The following PGAP2 variants were observed in gnomAD, a reference collection of about 807,000 sequenced individuals.
The protein encoded by PGAP2 is acyltransferase PGAP2.
In PGAP2, 21 loss-of-function variants were observed where a neutral mutation model predicts 33.2. The observed-to-expected ratio is 0.63, with a 90% confidence interval of 0.45 to 0.91. PGAP2 has a LOEUF of 0.91. Ranked by LOEUF, PGAP2 falls within the 40% of genes least tolerant of loss-of-function variation. The pLI is 0.00. For synonymous variants in PGAP2, 161 were observed against 172.9 expected, an observed-to-expected ratio of 0.93 and a Z score of 0.54; for missense variants, 345 against 424.0, an observed-to-expected ratio of 0.81 and a Z score of 1.64.
rs576130388 is a variant in PGAP2, at chr11:3,825,940, G to A, written c.*482G>A. 6.2e-6 allele frequency: 1 copy of A among 161,104 alleles called. No homozygotes were observed. The highest frequency in any genetic ancestry group is 1.8e-4 in the East Asian group (1 of 5,490). The allele number at this position is 161,104 out of a possible 1,614,324, so 10.0% of individuals were successfully genotyped here. ...AGTCCCCTGCTAAAGTTGCTCAGGTGTTCTAGTCCTGACTTCACCTTTTTG... is the reference window on the plus strand; with the variant it reads ...AGTCCCCTGCTAAAGTTGCTCAGGTATTCTAGTCCTGACTTCACCTTTTTG... On this transcript the variant is annotated 3_prime_UTR_variant, in exon 7 of 7. Coordinates refer to ENST00000278243, the MANE Select transcript of PGAP2 (RefSeq NM_014489.4).
chr11:3,812,039 G>A (rs551324678), intron 2 of PGAP2, among the ~76,000 whole-genome samples: 1 of 152,170 alleles, frequency 6.6e-6, no homozygotes, highest in Admixed American at 6.5e-5. Flanking sequence ...ATGTACGTGT[G>A]TATGTGTCCT....
intron 2 of PGAP2, among the ~76,000 whole-genome samples, chr11:3,813,415 G>A (rs542271270): frequency 3.0e-4 from 45 of 151,286 alleles, no homozygotes; most frequent in African/African-American, 1.1e-3. Context: ...ATGGGGTCTC[G>A]CCATGTTGCC....
At chr11:3,812,241 G>C (rs180799432) in intron 2 of PGAP2, among the ~76,000 whole-genome samples, 1 of 152,248 alleles carries the variant, frequency 6.6e-6, no homozygotes, top group Non-Finnish European at 1.5e-5. Flanking sequence ...CTGAGACAGA[G>C]ACCCAGCCTC....
At chr11:3,820,456 G>T (rs756729109) in intron 3 of PGAP2, among the ~76,000 whole-genome samples, 1 of 152,122 alleles carries the variant, frequency 6.6e-6, no homozygotes, top group Non-Finnish European at 1.5e-5. Flanking sequence ...ATCACTTAAG[G>T]TCAGGAGTTC....
intron 3 of PGAP2, chr11:3,823,092 A>G (rs1473684383): frequency 3.6e-6 from 2 of 559,850 alleles, no homozygotes; most frequent in Admixed American, 4.3e-5. Flanking sequence ...GCTGGAGTGC[A>G]GTGGCACAAT....
Position 3,823,903 on chromosome 11 carries a change from G to A in PGAP2, c.369G>A (p.Ser123=), listed in dbSNP as rs754872436. The part of the protein sequence containing the change: ...TDCGVPNYLP[S]VSSAIGGEVP... The stretch of plus-strand genomic sequence containing the variant: ...TCTAGGTGCCCAATTACCTGCCCTC[G>A]GTGAGCTCAGCCATCGGCGGGGAGG... The change falls in exon 4 of 7, where the codon TCG becomes TCA. Residue 123 remains serine, a synonymous_variant. Transcript: ENST00000278243. 15 of 1,604,816 alleles carry A rather than the reference G, an allele frequency of 9.3e-6. No homozygotes were observed. The highest frequency in any genetic ancestry group is 6.7e-5 in the Admixed American group (4 of 59,978).
upstream of PGAP2, among the ~76,000 whole-genome samples, chr11:3,806,146 G>A (rs1470954964): frequency 1.3e-5 from 2 of 152,096 alleles, no homozygotes; most frequent in African/African-American, 4.8e-5. Context: ...GTAGTCTAGA[G>A]GCAGGGAGAG....
chr11:3,817,098 C>T lies in PGAP2; in HGVS notation c.166-255C>T, dbSNP rs150119047. 2.2e-3 allele frequency among the ~76,000 whole-genome samples: 333 copies of T among 152,288 alleles called. 2 individuals are homozygous for T. The highest frequency in any genetic ancestry group is 7.6e-3 in the African/African-American group (317 of 41,564). On this transcript the variant is annotated intron_variant, in intron 2 of 6. Transcript: ENST00000278243. ...ACCGGGAGCCTCTCTTCTGTAGGCT[C>T]TTCAAGAGGTGGACCTAGAGTATCA...
chr11:3,824,950 A>C (rs1313145211), intron 5 of PGAP2, 70 bp from the exon 6 acceptor site: 4 of 1,603,402 alleles, frequency 2.5e-6, no homozygotes, highest in Non-Finnish European at 3.4e-6. Context: ...CTTAGGAGTT[A>C]GGGCTGAGAG....
intron 1 of PGAP2, among the ~76,000 whole-genome samples, chr11:3,800,791 C>T (rs1242569260): frequency 1.3e-4 from 16 of 122,276 alleles, no homozygotes. Context: ...GATCCTGGGC[C>T]ACAGAGTGAG....
upstream of PGAP2, among the ~76,000 whole-genome samples, chr11:3,804,196 T>A (rs541881062): frequency 1.3e-5 from 2 of 152,096 alleles, no homozygotes; most frequent in African/African-American, 2.4e-5. Context: ...CTTACCAAAG[T>A]GTCATGCTCA....
At position 3,797,967 on chromosome 11, in the gene PGAP2, G is replaced by T. The variant is rs1392483813; in HGVS notation, c.124G>T (p.Ala42Ser). 1.9e-6 allele frequency: 3 copies of T among 1,546,604 alleles called. No individual in the cohort carries two copies. The African/African-American group carries it at 4.1e-5, about 21-fold the overall frequency. Residue 42 changes from alanine to serine, a missense_variant, in exon 1 of 7, where the codon GCC (alanine) becomes TCC (serine). Coordinates refer to the PGAP2 transcript ENST00000300730. ...GGAGCTCGGGCCAATCAGAGGGACG[G>T]CCCCAGAATGGCATGGTAACTATTC...
intron 2 of PGAP2, among the ~76,000 whole-genome samples, chr11:3,815,779 A>G (rs1250341180): frequency 6.6e-6 from 1 of 152,194 alleles, no homozygotes. Flanking sequence ...GTTTCTGCAC[A>G]GGTACAGGCT....
intron 3 of PGAP2, among the ~76,000 whole-genome samples, chr11:3,820,705 C>A (rs2088372497): frequency 6.6e-6 from 1 of 152,082 alleles, no homozygotes; most frequent in Non-Finnish European, 1.5e-5. Context: ...CACCTCTAGT[C>A]CCAGCTACTC....
Position 3,808,618 on chromosome 11 carries a change from G to C in PGAP2, c.-44G>C. ...CCGACCCCGGGCCACCTGGGCCCCCGGGTTCCGCCGGCACTCTCGCCACCA... is the reference window on the plus strand; with the variant it reads ...CCGACCCCGGGCCACCTGGGCCCCCCGGTTCCGCCGGCACTCTCGCCACCA... On this transcript the variant is annotated 5_prime_UTR_variant, in exon 1 of 7. Transcript: ENST00000278243. 2 of 1,318,344 alleles carry C rather than the reference G, an allele frequency of 1.5e-6. No homozygotes were observed. Among genetic ancestry groups the C allele is most frequent in the Non-Finnish European group, 1.9e-6 (2 of 1,032,584 alleles). The allele number at this position is 1,318,344 out of a possible 1,614,324, so 81.7% of individuals were successfully genotyped here.
intron 3 of PGAP2, chr11:3,822,812 C>T (rs183865959): frequency 2.0e-5 from 13 of 661,106 alleles, no homozygotes; most frequent in Non-Finnish European, 3.3e-5. Flanking sequence ...CTGTCCCCAT[C>T]TAAACCCTTG....
chr11:3,812,987 G>A (rs569777759), intron 2 of PGAP2, among the ~76,000 whole-genome samples: 1 of 152,180 alleles, frequency 6.6e-6, no homozygotes, highest in Non-Finnish European at 1.5e-5. Context: ...CTCAGATAAT[G>A]CATCAGATAT....
At chr11:3,802,961 G>A (rs2083688100) in intron 1 of PGAP2, among the ~76,000 whole-genome samples, 2 of 149,962 alleles carry the variant, frequency 1.3e-5, no homozygotes, top group African/African-American at 4.9e-5. Context: ...CGAGTAGCTG[G>A]GACTACAGGC....
At chr11:3,817,805 G>A (rs1426326774) in intron 3 of PGAP2, 6 of 593,978 alleles carry the variant, frequency 1.0e-5, no homozygotes, top group Middle Eastern at 3.6e-4. Context: ...TCAGCACCTC[G>A]GGAGGGCGAA....
Sources: gnomAD v4.1 joint callset for allele counts (sites outside exome capture counted in the v4.1 genomes callset) on GRCh38, gnomAD v4.1.1 for gene constraint, MANE v1.5 for transcripts, NCBI Gene and HGNC (gene_info 2026-07-23, HGNC 2026-07-21) for gene names.